Variants in FNDC3A observed in about 807,000 individuals in gnomAD.
FNDC3A encodes the protein fibronectin type III domain containing 3A.
FNDC3A carries 32 observed loss-of-function variants against 148.9 expected under a neutral mutation model. The observed-to-expected ratio is 0.21, with a 90% CI of 0.16 to 0.29. The LOEUF (loss-of-function observed/expected upper bound fraction) is 0.29, where lower values mean the gene tolerates loss of function less well. Ranked by LOEUF, FNDC3A falls within the 10% of genes least tolerant of loss-of-function variation. The pLI is 1.00. For synonymous variants in FNDC3A, 472 were observed against 473.6 expected, an observed-to-expected ratio of 1.00 and a Z score of 0.04; for missense variants, 1,191 against 1,452.8, an observed-to-expected ratio of 0.82 and a Z score of 2.93.
chr13:49,200,770 T>A (rs1399594262), intron 23 of FNDC3A, among the ~76,000 whole-genome samples: 1 of 152,126 alleles, frequency 6.6e-6, no homozygotes, highest in African/African-American at 2.4e-5. Flanking sequence ...CTGTTAAGTT[T>A]AATGCACACA....
At chr13:49,205,695 A>G (rs1248710495) in intron 25 of FNDC3A, among the ~76,000 whole-genome samples, 2 of 152,186 alleles carry the variant, frequency 1.3e-5, no homozygotes, top group Non-Finnish European at 2.9e-5. Context: ...TCTACATTCT[A>G]TTCCCTGAAA....
intron 2 of FNDC3A, among the ~76,000 whole-genome samples, chr13:49,049,185 T>C (rs1875639937): frequency 6.6e-6 from 1 of 152,216 alleles, no homozygotes; most frequent in African/African-American, 2.4e-5. Flanking sequence ...ATTATCTTTT[T>C]AATATGATGT....
chr13:49,090,356 G>T (rs12872974), intron 3 of FNDC3A, among the ~76,000 whole-genome samples: 87,475 of 152,078 alleles, frequency 0.58, 26,928 homozygotes, highest in Non-Finnish European at 0.68. Context: ...AGAAGTTGCA[G>T]TGAGCCAAGA....
At chr13:49,117,366 G>A (rs1452330110) in intron 4 of FNDC3A, among the ~76,000 whole-genome samples, 4 of 151,952 alleles carry the variant, frequency 2.6e-5, no homozygotes, top group Non-Finnish European at 5.9e-5. Context: ...TTTTGTAGCC[G>A]AACATTTCTC....
intron 14 of FNDC3A, among the ~76,000 whole-genome samples, chr13:49,180,002 T>C (rs1885225506): frequency 1.3e-5 from 2 of 152,322 alleles, no homozygotes; most frequent in Non-Finnish European, 1.5e-5. Flanking sequence ...TATGTTTAGT[T>C]TATATACAGA....
chr13:49,193,155 A>G (rs1210261837), intron 19 of FNDC3A, among the ~76,000 whole-genome samples: 1 of 152,230 alleles, frequency 6.6e-6, no homozygotes, highest in Non-Finnish European at 1.5e-5. Context: ...TCCATGAACT[A>G]AACTGAATTA....
intron 3 of FNDC3A, among the ~76,000 whole-genome samples, chr13:49,094,428 TGTAA>T (rs1957166635): frequency 6.6e-6 from 1 of 152,084 alleles, no homozygotes; most frequent in Non-Finnish European, 1.5e-5. Context: ...CCTAAATCAT[TGTAA>T]GTATTAATAA....
intron 2 of FNDC3A, among the ~76,000 whole-genome samples, chr13:49,013,589 A>C (rs902491714): frequency 6.6e-6 from 1 of 151,082 alleles, no homozygotes; most frequent in Non-Finnish European, 1.5e-5. Flanking sequence ...TGTGTATGCA[A>C]GTATAGATGT....
At chr13:48,999,919 CCAGAA>C (rs1952094771) in intron 1 of FNDC3A, among the ~76,000 whole-genome samples, 1 of 152,168 alleles carries the variant, frequency 6.6e-6, no homozygotes, top group Admixed American at 6.5e-5. Context: ...TTCCCAGCCT[CCAGAA>C]GTGTGACAAA....
chr13:49,197,421 G>A (rs1373976601), intron 20 of FNDC3A, among the ~76,000 whole-genome samples: 1 of 150,812 alleles, frequency 6.6e-6, no homozygotes, highest in Admixed American at 7.1e-5. Flanking sequence ...ATGTGTGTAT[G>A]CTTTTAACAT....
At chr13:49,133,721 T>C (rs909445376) in intron 5 of FNDC3A, among the ~76,000 whole-genome samples, 3 of 152,194 alleles carry the variant, frequency 2.0e-5, no homozygotes, top group Admixed American at 6.5e-5. Flanking sequence ...CTCACTTAAT[T>C]TTCAATAAAA....
At chr13:48,988,837 C>A (rs1951854080) in intron 1 of FNDC3A, among the ~76,000 whole-genome samples, 1 of 144,514 alleles carries the variant, frequency 6.9e-6, no homozygotes, top group Non-Finnish European at 1.5e-5. Context: ...AGAGTGAGAA[C>A]TTGTCTCAAA....
chr13:49,198,126 G>A lies in FNDC3A; in HGVS notation c.2635G>A (p.Ala879Thr). The part of the protein sequence containing the change: ...NPHYSPSTCL[A>T]ISWEKPCDHG... ...CCATTATTCACCTTCTACATGCCTT[G>A]CAATAAGCTGGGAAAAGCCTTGTGA... is the stretch of plus-strand genomic sequence containing the variant. Residue 879 changes from alanine (A) to threonine (T), a missense_variant, in exon 22 of 26, where the codon GCA (alanine) becomes ACA (threonine). By Grantham distance (58) the Ala-to-Thr change is moderately conservative (BLOSUM62 0). This residue lies in a region of FNDC3A where 751 missense variants were observed against 944.0 expected (regional missense o/e 0.80). Transcript: ENST00000492622. 1 of 1,614,146 alleles carries A rather than the reference G, an allele frequency of 6.2e-7. No individual in the cohort carries two copies. Among genetic ancestry groups the A allele is most frequent in the Non-Finnish European group, 8.5e-7 (1 of 1,180,026 alleles).
chr13:49,018,431 G>A (rs1376218923), intron 2 of FNDC3A, among the ~76,000 whole-genome samples: 2 of 152,000 alleles, frequency 1.3e-5, no homozygotes, highest in South Asian at 2.1e-4. Context: ...CGTAGTTCTC[G>A]AGCGTTGGTT....
rs571801080 is a variant in FNDC3A, at chr13:49,123,359, A to G, written c.253-7778A>G. 2.0e-5 allele frequency among the ~76,000 whole-genome samples: 3 copies of G among 152,302 alleles called. No individual in the cohort carries two copies. In the South Asian group the frequency reaches 6.2e-4, roughly 32 times the overall value. ...TACAAAAATTAACTCAAGATGGATTAAAGACTTAAATATAAAACCTAAAAC... is the reference window on the plus strand; with the variant it reads ...TACAAAAATTAACTCAAGATGGATTGAAGACTTAAATATAAAACCTAAAAC... On this transcript the variant is annotated intron_variant, in intron 4 of 25. Coordinates refer to ENST00000492622, the MANE Select transcript of FNDC3A (RefSeq NM_001079673.2).
chr13:49,110,211 T>TC (rs1880460628), intron 3 of FNDC3A: 2 of 581,114 alleles, frequency 3.4e-6, no homozygotes, highest in East Asian at 6.7e-5. Context: ...TTTGCTTTTT[T>TC]TTCCCCCTTG....
intron 14 of FNDC3A, among the ~76,000 whole-genome samples, chr13:49,179,875 G>A (rs1346774528): frequency 6.6e-6 from 1 of 152,142 alleles, no homozygotes; most frequent in Non-Finnish European, 1.5e-5. Flanking sequence ...GATCCTTTTA[G>A]TGGACAGTGA....
intron 7 of FNDC3A, among the ~76,000 whole-genome samples, chr13:49,142,406 C>T (rs1412195185): frequency 6.6e-6 from 1 of 152,150 alleles, no homozygotes; most frequent in East Asian, 1.9e-4. Context: ...TACATTTCTT[C>T]TTTACCTTTC....
intron 5 of FNDC3A, 88 bp from the exon 6 acceptor site, chr13:49,136,244 G>A (rs1882348664): frequency 8.9e-7 from 1 of 1,125,494 alleles, no homozygotes; most frequent in African/African-American, 1.6e-5. Flanking sequence ...AGTTTTATAT[G>A]ATAGATTTAT....
Sources: gnomAD v4.1 joint callset for allele counts (sites outside exome capture counted in the v4.1 genomes callset) on GRCh38, gnomAD v4.1.1 for gene constraint, gnomAD v4.1.1 regional missense constraint, MANE v1.5 for transcripts, NCBI Gene and HGNC (gene_info 2026-07-23, HGNC 2026-07-21) for gene names.